CDAN1: variants seen among roughly 807,000 people sequenced by gnomAD.
CDAN1 encodes the protein codanin 1, also known as codanin-1.
Under a neutral mutation model 139.8 loss-of-function variants are expected in CDAN1, and 107 were observed. That is an observed-to-expected ratio of 0.77 (90% confidence interval 0.65 to 0.90). CDAN1 has a LOEUF of 0.90. Among genes scored for constraint, CDAN1 ranks in the 40% least tolerant of loss-of-function variants. CDAN1 has a pLI of 0.00. For synonymous variants in CDAN1, 776 were observed against 660.6 expected, an observed-to-expected ratio of 1.17 and a Z score of -2.68; for missense variants, 1,667 against 1,575.7, an observed-to-expected ratio of 1.06 and a Z score of -0.98.
intron 27 of CDAN1, 87 bp downstream of exon 27, chr15:42,725,057 T>G: frequency 1.8e-6 from 2 of 1,097,528 alleles, no homozygotes; most frequent in Non-Finnish European, 2.8e-6. Flanking sequence ...ATCCACTTAG[T>G]TTGGCCCCAT....
chr15:42,727,599 AGG>A lies in CDAN1; in HGVS notation c.3096+20_3096+21del, dbSNP rs765671442. The A allele has an allele frequency of 3.9e-6, 6 of 1,524,458 alleles. No homozygotes were observed. The South Asian group carries it at 7.5e-5, about 19-fold the overall frequency. The allele number at this position is 1,524,458 out of a possible 1,614,324, so 94.4% of individuals were successfully genotyped here. A position where few individuals can be genotyped will look rare whatever the true frequency, so the allele number is the denominator to read the frequency against. ...AGGGGGGTGGGAGCAGGGAAGCCAA[AGG>A]GAGTAGGGTAGCCGTGTACTTTTAT... On this transcript the variant is annotated intron_variant, in intron 23 of 27. Coordinates refer to ENST00000356231, the MANE Select transcript of CDAN1 (RefSeq NM_138477.4).
At chr15:42,735,409 G>T (rs990026718) in intron 4 of CDAN1, 35 bp from the exon 5 acceptor site, 1 of 1,591,114 alleles carries the variant, frequency 6.3e-7, no homozygotes, top group African/African-American at 1.3e-5. Flanking sequence ...CATGGTATGG[G>T]CACCATTTGG....
At position 42,736,292 on chromosome 15, in the gene CDAN1, T is replaced by G; in HGVS notation, c.569+10A>C. ...TGGTACCCATCTCCTGCATGAGAGC[T>G]GAGTCTCACCCTGTAGGGCCGGGGG... On this transcript the variant is annotated intron_variant, in intron 2 of 27. Coordinates refer to ENST00000356231, the MANE Select transcript of CDAN1 (RefSeq NM_138477.4). 2 of 1,613,440 alleles carry G rather than the reference T, an allele frequency of 1.2e-6. No individual in the cohort carries two copies. Among genetic ancestry groups the G allele is most frequent in the Non-Finnish European group, 1.7e-6 (2 of 1,179,926 alleles).
At chr15:42,732,159 C>G (rs2061622255) in intron 10 of CDAN1, among the ~76,000 whole-genome samples, 174 bp downstream of exon 10, 1 of 152,178 alleles carries the variant, frequency 6.6e-6, no homozygotes, top group Admixed American at 6.5e-5. Flanking sequence ...AGAGAGTGCC[C>G]TGGCTTTTCT....
At chr15:42,728,851 A>C (rs572787333) in intron 19 of CDAN1, 41 bp from the exon 20 acceptor site, 1 of 1,613,316 alleles carries the variant, frequency 6.2e-7, no homozygotes, top group African/African-American at 1.3e-5. Flanking sequence ...TTGGAGGGTT[A>C]ATCGGAAAGA....
In CDAN1 at chr15:42,731,445, G is replaced by A. The variant is rs973141570; in HGVS notation, c.1740-114C>T. The A allele has an allele frequency of 1.9e-5, 29 of 1,517,158 alleles. No individual in the cohort carries two copies. In the South Asian group the frequency reaches 3.1e-4, roughly 16 times the overall value. 94.0% of individuals were successfully genotyped at this position (1,517,158 alleles called of 1,614,324 possible). A position where few individuals can be genotyped will look rare whatever the true frequency, so the allele number is the denominator to read the frequency against. On this transcript the variant is annotated intron_variant, in intron 11 of 27. Coordinates refer to ENST00000356231, the MANE Select transcript of CDAN1 (RefSeq NM_138477.4). ...CAGCAGGACAGACAGGGAGGCCCAGGAGCAATGAAATCACCCACGTGGGTG... is the reference window on the plus strand; with the variant it reads ...CAGCAGGACAGACAGGGAGGCCCAGAAGCAATGAAATCACCCACGTGGGTG...
Position 42,730,007 on chromosome 15 carries a change from T to G in CDAN1, c.2262+121A>C. 4 of 1,199,256 alleles carry G rather than the reference T, an allele frequency of 3.3e-6. No individual in the cohort carries two copies. In the South Asian group the frequency reaches 3.7e-5, roughly 11 times the overall value. The allele number at this position is 1,199,256 out of a possible 1,614,324, so 74.3% of individuals were successfully genotyped here. On this transcript the variant is annotated intron_variant, in intron 15 of 27. Coordinates refer to ENST00000356231, the MANE Select transcript of CDAN1 (RefSeq NM_138477.4). ...GCAGCCACCTCTGAGATGATGGGAA[T>G]CCCCAGGCCTTTCCTGAACCTTCGT...
At chr15:42,734,101 C>A in intron 7 of CDAN1, 54 bp from the exon 8 acceptor site, 1 of 1,595,552 alleles carries the variant, frequency 6.3e-7, no homozygotes, top group South Asian at 1.1e-5. Flanking sequence ...GAAAACTTCT[C>A]CCTCTTATTC....
intron 26 of CDAN1, 98 bp from the exon 27 acceptor site, chr15:42,725,349 C>CTTGAGATGGATAAATGGAGCCCATTTCTG: frequency 6.8e-7 from 1 of 1,471,052 alleles, no homozygotes; most frequent in Admixed American, 1.7e-5. Context: ...TGGGAAGAGA[C>CTTGAGATGGATAAATGGAGCCCATTTCTG]TTGAGATGGA....
At chr15:42,726,182 A>G (rs993247706) in intron 24 of CDAN1, 22 bp from the exon 25 acceptor site, 43 of 1,613,550 alleles carry the variant, frequency 2.7e-5, no homozygotes, top group Non-Finnish European at 3.6e-5. Flanking sequence ...GTGGGGGGGA[A>G]AGAGAGACCA....
In CDAN1 at chr15:42,728,041, A is replaced by G. The variant is rs774451396; in HGVS notation, c.2869-8T>C. On this transcript the variant is annotated splice_region_variant and splice_polypyrimidine_tract_variant and intron_variant, in intron 21 of 27. Transcript: ENST00000356231. ...CTCTGCACTGCTCAGAACCTGCGAAACAGAACTACAGAGTCAGGGGCTAGG... is the reference window on the plus strand; with the variant it reads ...CTCTGCACTGCTCAGAACCTGCGAAGCAGAACTACAGAGTCAGGGGCTAGG... 2 of 1,613,684 alleles carry G rather than the reference A, an allele frequency of 1.2e-6. No homozygotes were observed. Among genetic ancestry groups the G allele is most frequent in the South Asian group, 2.2e-5 (2 of 91,068 alleles).
chr15:42,734,310 C>T lies in CDAN1; in HGVS notation c.1173G>A (p.Leu391=). 1 of 1,614,160 alleles carries T rather than the reference C, an allele frequency of 6.2e-7. No homozygotes were observed. The highest frequency in any genetic ancestry group is 1.1e-5 in the South Asian group (1 of 91,080). The stretch of plus-strand genomic sequence containing the variant: ...ACAGCAGCCGCTCATTCTCAGCCAG[C>T]AGCTTCAAGGTCCCTTTGTCCAGGT... ...LSNLDKGTLK[L]LAENERLLCF... Residue 391 remains leucine, a synonymous_variant, in exon 7 of 28, where the codon CTG becomes CTA. Transcript: ENST00000356231.
rs753406643 is a variant in CDAN1 at position 42,727,940 on chromosome 15, C to T, written c.2947+15G>A. 2.3e-5 allele frequency: 37 copies of T among 1,612,952 alleles called. 1 individual carries two copies. The South Asian group carries it at 4.1e-4, about 18-fold the overall frequency. The stretch of plus-strand genomic sequence containing the variant: ...TAAACACTTGATTCAGCCACTCCCC[C>T]ATCCAGGACCTTACCTGTGATGTTG... On this transcript the variant is annotated intron_variant, in intron 22 of 27. Transcript: ENST00000356231.
Position 42,729,342 on chromosome 15 carries a change from C to T in CDAN1, c.2428G>A (p.Ala810Thr), listed in dbSNP as rs747975571. 20 of 1,614,070 alleles carry T rather than the reference C, an allele frequency of 1.2e-5. No homozygotes were observed. The highest frequency in any genetic ancestry group is 2.2e-5 in the East Asian group (1 of 44,896). ...PYIGELRKLL[A>T]SWVSGSSGRS... ...CCACTACTGCCTGACACCCACGAAGCGAGCAGTTTCCGGAGCTCTCCTGTA... is the reference window on the plus strand; with the variant it reads ...CCACTACTGCCTGACACCCACGAAGTGAGCAGTTTCCGGAGCTCTCCTGTA... Residue 810 changes from alanine to threonine, a missense_variant, in exon 18 of 28, where the codon GCT becomes ACT. Physicochemically the swap from Ala to Thr is moderately conservative, Grantham distance 58. This residue lies in a region of CDAN1 where 936 missense variants were observed against 844.1 expected (regional missense o/e 1.11). Coordinates refer to ENST00000356231, the MANE Select transcript of CDAN1 (RefSeq NM_138477.4).
chr15:42,725,922 G>C lies in CDAN1; in HGVS notation c.3268+175C>G, dbSNP rs552703190. ...ACCCGGGAGGCAGAGGTTGCAGTTA[G>C]CTAAGATCGTGCCACTGCACTCCAG... On this transcript the variant is annotated intron_variant, in intron 25 of 27. Coordinates refer to ENST00000356231, the MANE Select transcript of CDAN1 (RefSeq NM_138477.4). Among the ~76,000 whole-genome samples the C allele has an allele frequency of 1.9e-3, 256 of 132,706 alleles. 1 individual carries two copies. Among genetic ancestry groups the C allele is most frequent in the Admixed American group, 3.2e-3 (38 of 11,868 alleles). The allele number at this position is 132,706 out of a possible 152,430, so 87.1% of individuals were successfully genotyped here. A position where few individuals can be genotyped will look rare whatever the true frequency, so the allele number is the denominator to read the frequency against.
Position 42,731,219 on chromosome 15 carries a change from C to T in CDAN1, c.1852G>A (p.Asp618Asn). The T allele has an allele frequency of 1.2e-6, 2 of 1,614,232 alleles. No homozygotes were observed. The highest frequency in any genetic ancestry group is 1.3e-5 in the African/African-American group (1 of 75,048). The change falls in exon 12 of 28, where the codon GAC (aspartate) becomes AAC (asparagine). Residue 618 changes from aspartate (D) to asparagine (N), a missense_variant. This residue lies in a region of CDAN1 where 936 missense variants were observed against 844.1 expected (regional missense o/e 1.11). Coordinates refer to ENST00000356231, the MANE Select transcript of CDAN1 (RefSeq NM_138477.4). ...TTGTTCTGTTTTCGGACCTGCCAGT[C>T]TACGTCTGACTCCCCGTCTTCATCA... ...PNDEDGESDV[D>N]WQGERKQFAV...
Position 42,728,211 on chromosome 15 carries a change from G to A in CDAN1, c.2861C>T (p.Pro954Leu), listed in dbSNP as rs773023944. The change falls in exon 21 of 28, where the codon CCG becomes CTG. Residue 954 changes from proline (P) to leucine (L), a missense_variant. By Grantham distance (98) the Pro-to-Leu change is moderately conservative. Transcript: ENST00000356231. ...AVRALLPEET[P>L]AAVLSSAENI... is the part of the protein sequence containing the mutation. ...GGCCTCCCTCACACGTACGGCTGCC[G>A]GGGTCTCCTCTGGAAGCAGCGCCCG... is the stretch of plus-strand genomic sequence containing the variant. The A allele has an allele frequency of 6.6e-5, 106 of 1,613,420 alleles. No homozygotes were observed. The highest frequency in any genetic ancestry group is 9.3e-5 in the African/African-American group (7 of 74,896).
Position 42,729,367 on chromosome 15 carries a change from A to G in CDAN1, c.2408-5T>C, listed in dbSNP as rs1390356593. 6.2e-7 allele frequency: 1 copy of G among 1,613,978 alleles called. No individual in the cohort carries two copies. Among genetic ancestry groups the G allele is most frequent in the Non-Finnish European group, 8.5e-7 (1 of 1,179,994 alleles). ...CGAGCAGTTTCCGGAGCTCTCCTGT[A>G]TCAGTGAAGTCCAAGTTCTCAGTTC... On this transcript the variant is annotated splice_polypyrimidine_tract_variant and splice_region_variant and intron_variant, in intron 17 of 27. Transcript: ENST00000356231.
intron 23 of CDAN1, chr15:42,727,289 G>C: frequency 1.1e-5 from 3 of 262,732 alleles, no homozygotes; most frequent in Non-Finnish European, 2.1e-5. Context: ...TCCAAATACT[G>C]GGGCGACTGC....
Sources: allele counts gnomAD v4.1 joint callset (sites outside exome capture counted in the v4.1 genomes callset), GRCh38; gene constraint gnomAD v4.1.1; regional missense constraint gnomAD v4.1.1; transcripts MANE v1.5; gene names NCBI Gene and HGNC (gene_info 2026-07-23, HGNC 2026-07-21).